Variants in DLGAP1 observed in about 807,000 individuals in gnomAD.
DLGAP1 encodes the protein disks large-associated protein 1.
A neutral mutation model predicts 90.8 loss-of-function variants in DLGAP1; 11 were observed. The ratio of observed to expected loss-of-function variants is 0.12; its 90% confidence interval spans 0.08 to 0.20. The LOEUF (loss-of-function observed/expected upper bound fraction) is 0.20. DLGAP1 is among the 10% of genes least tolerant of loss of function. DLGAP1 has a pLI of 1.00. For missense variants in DLGAP1, 1,050 were observed against 1,333.8 expected (o/e 0.79, Z 3.31); for synonymous variants, 558 against 540.7 (o/e 1.03, Z -0.44).
chr18:4,416,145 T>G (rs1317329570), intron 1 of DLGAP1, among the ~76,000 whole-genome samples: 1 of 152,192 alleles, frequency 6.6e-6, no homozygotes, highest in Non-Finnish European at 1.5e-5. Flanking sequence ...TAATACATCA[T>G]GAAATTCAAC....
chr18:3,623,637 C>T (rs545767348), intron 7 of DLGAP1, among the ~76,000 whole-genome samples: 21 of 152,044 alleles, frequency 1.4e-4, no homozygotes, highest in African/African-American at 4.6e-4. Context: ...ATCAGCCGGG[C>T]GTGGTGGCGC....
intron 7 of DLGAP1, among the ~76,000 whole-genome samples, chr18:3,612,173 T>G (rs1421997494): frequency 6.6e-6 from 1 of 152,182 alleles, no homozygotes; most frequent in African/African-American, 2.4e-5. Flanking sequence ...CTGGGCAACA[T>G]AGCAAGATCC....
chr18:4,452,135 G>T (rs780264379), intron 1 of DLGAP1, among the ~76,000 whole-genome samples: 17 of 152,110 alleles, frequency 1.1e-4, no homozygotes, highest in Non-Finnish European at 1.8e-4. Context: ...GATGCTTCCT[G>T]AGAGGAAACC....
At chr18:3,710,785 A>G (rs2061574076) in intron 7 of DLGAP1, among the ~76,000 whole-genome samples, 1 of 152,210 alleles carries the variant, frequency 6.6e-6, no homozygotes, top group African/African-American at 2.4e-5. Context: ...TGAGACAGAG[A>G]TGTGAACATG....
At chr18:4,322,943 G>GAACAAAAAAAAAAAAA (rs1568513548) in intron 1 of DLGAP1, among the ~76,000 whole-genome samples, 1 of 97,612 alleles carries the variant, frequency 1.0e-5, no homozygotes, top group African/African-American at 4.0e-5. Context: ...CCTGGGCACA[G>GAACAAAAAAAAAAAAA]AAAAAAAAAA....
chr18:4,423,001 G>T (rs2083074494), intron 1 of DLGAP1, among the ~76,000 whole-genome samples: 1 of 152,074 alleles, frequency 6.6e-6, no homozygotes, highest in Admixed American at 6.6e-5. Context: ...GATTAGTGCT[G>T]CTGTCCACAA....
At chr18:3,997,345 C>T (rs1299601471) in intron 3 of DLGAP1, among the ~76,000 whole-genome samples, 2 of 111,520 alleles carry the variant, frequency 1.8e-5, no homozygotes, top group African/African-American at 7.1e-5. Context: ...AATTCATGGG[C>T]AAGAAAAGTA....
intron 1 of DLGAP1, among the ~76,000 whole-genome samples, chr18:4,391,067 C>T (rs534638536): frequency 6.6e-6 from 1 of 152,280 alleles, no homozygotes; most frequent in Non-Finnish European, 1.5e-5. Context: ...TCCAGTGTAT[C>T]CTTTTTATAT....
rs530752038 is a variant in DLGAP1, at chr18:3,499,083, C to G, written c.*102G>C. On this transcript the variant is annotated 3_prime_UTR_variant, in exon 13 of 13. Transcript: ENST00000315677. The surrounding 1 kb of genome is among the most constrained non-coding windows in gnomAD (Gnocchi z 6.4). ...CACCGCGACAGTGGAAGTCACCGAG[C>G]TCGGGAGCGGACGGGCTCGGAGGGG... is the stretch of plus-strand genomic sequence containing the variant. 1 of 1,114,920 alleles carries G rather than the reference C, an allele frequency of 9.0e-7. No individual in the cohort carries two copies. The highest frequency in any genetic ancestry group is 1.2e-6 in the Non-Finnish European group (1 of 819,586). The allele number at this position is 1,114,920 out of a possible 1,614,324, so 69.1% of individuals were successfully genotyped here. A position where few individuals can be genotyped will look rare whatever the true frequency, so the allele number is the denominator to read the frequency against.
chr18:3,818,361 T>G (rs2067211807), intron 4 of DLGAP1, among the ~76,000 whole-genome samples: 1 of 140,114 alleles, frequency 7.1e-6, no homozygotes, highest in East Asian at 2.1e-4. Flanking sequence ...TTTTTTTTTT[T>G]TTTTTTTTTT....
intron 3 of DLGAP1, among the ~76,000 whole-genome samples, chr18:3,956,449 C>T (rs368798298): frequency 4.6e-5 from 7 of 151,588 alleles, no homozygotes; most frequent in Admixed American, 1.3e-4. Context: ...CCCGGGTTCA[C>T]GCCATTCTCC....
At chr18:4,143,329 G>C (rs1321284364) in intron 2 of DLGAP1, among the ~76,000 whole-genome samples, 1 of 151,790 alleles carries the variant, frequency 6.6e-6, no homozygotes, top group Non-Finnish European at 1.5e-5. Flanking sequence ...GTACTCACAA[G>C]TCAAAGTCCT....
chr18:4,077,247 G>A (rs56927764), intron 2 of DLGAP1, among the ~76,000 whole-genome samples: 12,405 of 152,240 alleles, frequency 0.081, 638 homozygotes, highest in East Asian at 0.17. Context: ...TTTAAAAGGT[G>A]TTAACTCTAA....
intron 7 of DLGAP1, among the ~76,000 whole-genome samples, chr18:3,609,352 T>G (rs2057484355): frequency 6.6e-6 from 1 of 152,196 alleles, no homozygotes; most frequent in Admixed American, 6.5e-5. Flanking sequence ...CGGGCCTGAG[T>G]CTTCCTTTGG....
chr18:4,155,748 G>A (rs1351264301), intron 1 of DLGAP1, among the ~76,000 whole-genome samples: 2 of 152,162 alleles, frequency 1.3e-5, no homozygotes, highest in Non-Finnish European at 2.9e-5. Flanking sequence ...AGTGGAAGAA[G>A]GAGTGGATCA....
intron 1 of DLGAP1, among the ~76,000 whole-genome samples, chr18:4,161,252 C>T (rs2144506928): frequency 6.6e-6 from 1 of 152,074 alleles, no homozygotes; most frequent in East Asian, 1.9e-4. Context: ...TTCCCCAGGA[C>T]AGACACCAGT....
intron 9 of DLGAP1, among the ~76,000 whole-genome samples, chr18:3,556,760 T>C (rs1162877567): frequency 6.6e-6 from 1 of 152,204 alleles, no homozygotes; most frequent in Non-Finnish European, 1.5e-5. Context: ...TTTCAATTCA[T>C]GTGGATAAAT....
rs189787873 is a variant in DLGAP1 at position 3,729,445 on chromosome 18, C to T, written c.1351-70G>A. On this transcript the variant is annotated intron_variant, in intron 6 of 12. Transcript: ENST00000315677. This position sits in a 1 kb window ranked among gnomAD's most constrained non-coding sequence, Gnocchi z 6.2. ...GAGGATCAACCTCTCCAAGCATCTG[C>T]GAACTTCAATCCCCAGAAGAAAAAG... 8.5e-5 allele frequency: 132 copies of T among 1,548,662 alleles called. 1 individual carries two copies. In the East Asian group the frequency reaches 2.9e-3, roughly 34 times the overall value.
chr18:4,081,107 C>T (rs563567792), intron 2 of DLGAP1, among the ~76,000 whole-genome samples: 139 of 152,198 alleles, frequency 9.1e-4, no homozygotes, highest in Non-Finnish European at 1.6e-3. Flanking sequence ...AGGCTGGTCT[C>T]GAACTCCTGA....
Sources: allele counts gnomAD v4.1 joint callset (sites outside exome capture counted in the v4.1 genomes callset), GRCh38; gene constraint gnomAD v4.1.1; non-coding constraint Gnocchi (gnomAD v3.1); transcripts MANE v1.5; gene names NCBI Gene and HGNC (gene_info 2026-07-23, HGNC 2026-07-21).